Variants in ANKRD55 observed in about 807,000 individuals in gnomAD.
The protein encoded by ANKRD55 is ankyrin repeat domain 55.
A neutral mutation model predicts 60.6 loss-of-function variants in ANKRD55; 41 were observed. The observed-to-expected ratio is 0.68, with a 90% CI of 0.53 to 0.88. ANKRD55 has a LOEUF of 0.88. Among genes scored for constraint, ANKRD55 ranks in the 40% least tolerant of loss-of-function variants. ANKRD55 has a pLI of 0.00. For synonymous variants in ANKRD55, 264 were observed against 290.3 expected, an observed-to-expected ratio of 0.91 and a Z score of 0.92; for missense variants, 732 against 767.6, an observed-to-expected ratio of 0.95 and a Z score of 0.55.
intron 8 of ANKRD55, chr5:56,117,098 C>T (rs982443857): frequency 1.1e-4 from 21 of 198,856 alleles, no homozygotes; most frequent in Admixed American, 9.7e-4. Flanking sequence ...AACTGCCTTC[C>T]GGAAGATTGA....
chr5:56,214,810 C>G (rs1290345826), intron 2 of ANKRD55, among the ~76,000 whole-genome samples: 2 of 152,198 alleles, frequency 1.3e-5, no homozygotes, highest in African/African-American at 4.8e-5. Flanking sequence ...CTGAAACCAA[C>G]CAACCTATCT....
intron 2 of ANKRD55, among the ~76,000 whole-genome samples, chr5:56,202,335 G>A (rs1334758087): frequency 6.6e-6 from 1 of 152,008 alleles, no homozygotes; most frequent in Non-Finnish European, 1.5e-5. Flanking sequence ...AAAACAAAGT[G>A]TGCCTGTTGT....
intron 11 of ANKRD55, among the ~76,000 whole-genome samples, chr5:56,100,920 C>G (rs1451473185): frequency 6.6e-6 from 1 of 152,112 alleles, no homozygotes; most frequent in African/African-American, 2.4e-5. Flanking sequence ...AAGACAGGTT[C>G]GGGCTTGAAT....
At chr5:56,212,577 G>A (rs930386493) in intron 2 of ANKRD55, among the ~76,000 whole-genome samples, 16 of 152,148 alleles carry the variant, frequency 1.1e-4, no homozygotes, top group African/African-American at 3.6e-4. Context: ...AATTTTATTG[G>A]AATTAGGCCA....
intron 3 of ANKRD55, among the ~76,000 whole-genome samples, chr5:56,178,676 G>A (rs1386185048): frequency 6.6e-6 from 1 of 152,070 alleles, no homozygotes; most frequent in African/African-American, 2.4e-5. Flanking sequence ...CAAGACTTAT[G>A]TGGATAAGAA....
At chr5:56,177,367 T>G (rs1758758539) in intron 3 of ANKRD55, among the ~76,000 whole-genome samples, 1 of 152,198 alleles carries the variant, frequency 6.6e-6, no homozygotes. Context: ...CCTCCCTTCC[T>G]TTCTTCCTGT....
chr5:56,227,719 A>G (rs537838984), intron 2 of ANKRD55, among the ~76,000 whole-genome samples: 51 of 152,140 alleles, frequency 3.4e-4, no homozygotes, highest in Non-Finnish European at 6.3e-4. Flanking sequence ...TTGGAATCCT[A>G]GCTTTGCTGT....
intron 2 of ANKRD55, among the ~76,000 whole-genome samples, chr5:56,204,835 C>A (rs1759461890): frequency 1.3e-5 from 2 of 152,220 alleles, no homozygotes; most frequent in Non-Finnish European, 2.9e-5. Flanking sequence ...TTCCTCCAAT[C>A]TTCCTTACTT....
intron 9 of ANKRD55, among the ~76,000 whole-genome samples, chr5:56,113,430 G>A (rs1756795601): frequency 6.6e-6 from 1 of 152,116 alleles, no homozygotes; most frequent in Admixed American, 6.6e-5. Context: ...ATATTAACTT[G>A]AGTACACTTG....
intron 8 of ANKRD55, among the ~76,000 whole-genome samples, chr5:56,122,010 G>A (rs1309722885): frequency 6.6e-6 from 1 of 152,178 alleles, no homozygotes; most frequent in East Asian, 1.9e-4. Context: ...TTTTAAGTGT[G>A]CCTAATGTAC....
rs188882747 is a variant in ANKRD55, at chr5:56,198,419, G to T, written c.59-14785C>A. Among the ~76,000 whole-genome samples, 549 of 151,924 alleles carry T rather than the reference G, an allele frequency of 3.6e-3. 4 individuals carry two copies. Among genetic ancestry groups the T allele is most frequent in the African/African-American group, 0.013 (522 of 41,438 alleles). ...TCCTTCCTCAGCCTCCCGAGTAGCTGGGGTTACAGGCATGCACCACCACGC... is the reference window on the plus strand; with the variant it reads ...TCCTTCCTCAGCCTCCCGAGTAGCTTGGGTTACAGGCATGCACCACCACGC... On this transcript the variant is annotated intron_variant, in intron 2 of 11. Coordinates refer to ENST00000341048, the MANE Select transcript of ANKRD55 (RefSeq NM_024669.3).
In ANKRD55 at chr5:56,220,511, A is replaced by G. The variant is rs187555254; in HGVS notation, c.58+12345T>C. Reference sequence around the variant, plus strand: ...ACACACTTACTTAGACTTATTCAGGAGTGATCAAGAAAACTGAAAGAGGCG... The same window carrying G: ...ACACACTTACTTAGACTTATTCAGGGGTGATCAAGAAAACTGAAAGAGGCG... On this transcript the variant is annotated intron_variant, in intron 2 of 11. Coordinates refer to ENST00000341048, the MANE Select transcript of ANKRD55 (RefSeq NM_024669.3). Among the ~76,000 whole-genome samples, 1,277 of 152,286 alleles carry G rather than the reference A, an allele frequency of 8.4e-3. 69 individuals are homozygous for G. The highest frequency in any genetic ancestry group is 0.076 in the Admixed American group (1,164 of 15,288).
At chr5:56,100,899 A>G (rs1756252049) in intron 11 of ANKRD55, among the ~76,000 whole-genome samples, 1 of 152,200 alleles carries the variant, frequency 6.6e-6, no homozygotes, top group Non-Finnish European at 1.5e-5. Context: ...TTGTGGCTAC[A>G]GTTCTGCTTA....
intron 2 of ANKRD55, among the ~76,000 whole-genome samples, chr5:56,210,007 T>A (rs2111871768): frequency 6.6e-6 from 1 of 152,208 alleles, no homozygotes; most frequent in Admixed American, 6.5e-5. Flanking sequence ...ATGGTCATTT[T>A]TTTCTTTTTT....
intron 2 of ANKRD55, among the ~76,000 whole-genome samples, chr5:56,220,392 A>G (rs1264770240): frequency 1.3e-5 from 2 of 151,884 alleles, no homozygotes; most frequent in Non-Finnish European, 2.9e-5. Flanking sequence ...AGCACACTCC[A>G]GAATGGATTG....
At chr5:56,187,965 G>C (rs1033223020) in intron 2 of ANKRD55, among the ~76,000 whole-genome samples, 1 of 152,138 alleles carries the variant, frequency 6.6e-6, no homozygotes, top group African/African-American at 2.4e-5. Context: ...TGATTGAAGG[G>C]TGGTTAAGTA....
intron 8 of ANKRD55, among the ~76,000 whole-genome samples, chr5:56,123,279 G>A (rs79330186): frequency 0.021 from 3,189 of 152,180 alleles, 57 homozygotes; most frequent in Non-Finnish European, 0.034. Context: ...GCTGGGTTGG[G>A]TATATCTGTG....
intron 9 of ANKRD55, among the ~76,000 whole-genome samples, chr5:56,112,909 A>G (rs1417771549): frequency 6.6e-6 from 1 of 152,248 alleles, no homozygotes. Context: ...CAGGTCACAC[A>G]GTGCATCCTT....
intron 2 of ANKRD55, among the ~76,000 whole-genome samples, chr5:56,188,855 C>T (rs1759030992): frequency 6.6e-6 from 1 of 152,044 alleles, no homozygotes; most frequent in Non-Finnish European, 1.5e-5. Context: ...TAAAAAAGAA[C>T]TTGGAGTTTT....
Sources: gnomAD v4.1 joint callset for allele counts (sites outside exome capture counted in the v4.1 genomes callset) on GRCh38, gnomAD v4.1.1 for gene constraint, MANE v1.5 for transcripts, NCBI Gene and HGNC (gene_info 2026-07-23, HGNC 2026-07-21) for gene names.